Variants in GDAP2 observed in about 807,000 individuals in gnomAD.
The protein encoded by GDAP2 is ganglioside induced differentiation associated protein 2.
In GDAP2, 51 loss-of-function variants were observed where a neutral mutation model predicts 67.0. The observed-to-expected ratio is 0.76, with a 90% CI of 0.61 to 0.96. GDAP2 has a LOEUF of 0.96. Ranked by LOEUF, GDAP2 falls within the 40% of genes least tolerant of loss-of-function variation. GDAP2 has a pLI of 0.00. For missense variants in GDAP2, 547 were observed against 588.3 expected, an observed-to-expected ratio of 0.93 and a Z score of 0.73; for synonymous variants, 203 against 207.3, an observed-to-expected ratio of 0.98 and a Z score of 0.18.
At chr1:117,909,632 C>T (rs1439049918) in intron 5 of GDAP2, among the ~76,000 whole-genome samples, 3 of 152,184 alleles carry the variant, frequency 2.0e-5, no homozygotes, top group African/African-American at 7.2e-5. Context: ...TGAAATGCTA[C>T]AGTTTTGCCA....
intron 10 of GDAP2, among the ~76,000 whole-genome samples, chr1:117,884,830 G>GTGTT (rs1648792257): frequency 1.3e-5 from 2 of 151,876 alleles, no homozygotes; most frequent in African/African-American, 4.8e-5. Context: ...GTGTGTGTGT[G>GTGTT]TGTGTGTGTG....
chr1:117,899,028 A>T, intron 7 of GDAP2, 29 bp downstream of exon 7: 1 of 1,592,398 alleles, frequency 6.3e-7, no homozygotes, highest in African/African-American at 1.3e-5. Context: ...TAAGAGGGAG[A>T]TTTAAAAAGT....
chr1:117,882,041 A>G (rs1470185974), intron 11 of GDAP2, among the ~76,000 whole-genome samples, 164 bp from the exon 12 acceptor site: 11 of 152,172 alleles, frequency 7.2e-5, no homozygotes. Flanking sequence ...GCCAAAAACA[A>G]TTCAGAGAAC....
chr1:117,913,472 T>C (rs1272068112), intron 3 of GDAP2: 2 of 151,756 alleles, frequency 1.3e-5, no homozygotes, highest in Non-Finnish European at 2.9e-5. Context: ...AACTAGAGAG[T>C]TTCTGGATTC....
intron 5 of GDAP2, among the ~76,000 whole-genome samples, chr1:117,909,487 A>G (rs1557806279): frequency 6.6e-6 from 1 of 152,232 alleles, no homozygotes; most frequent in Non-Finnish European, 1.5e-5. Flanking sequence ...AGCTTTTGAT[A>G]CTAAGGACTT....
chr1:117,909,823 G>A (rs1053961487), intron 5 of GDAP2, among the ~76,000 whole-genome samples: 5 of 152,056 alleles, frequency 3.3e-5, no homozygotes, highest in African/African-American at 4.8e-5. Context: ...GATTTGTCTG[G>A]GGCCACAGAG....
intron 12 of GDAP2, among the ~76,000 whole-genome samples, chr1:117,879,353 G>A (rs1222083035): frequency 2.0e-5 from 3 of 152,076 alleles, no homozygotes; most frequent in African/African-American, 7.2e-5. Context: ...AGGAATAGGT[G>A]GAAGAGGAGT....
rs142616473 is a variant in GDAP2 at position 117,912,977 on chromosome 1, G to A, written c.317-294C>T. Among the ~76,000 whole-genome samples the A allele has an allele frequency of 3.7e-3, 565 of 152,288 alleles. 3 individuals are homozygous for A. The highest frequency in any genetic ancestry group is 5.6e-3 in the Non-Finnish European group (380 of 68,016). On this transcript the variant is annotated intron_variant, in intron 3 of 13. Coordinates refer to ENST00000369443, the MANE Select transcript of GDAP2 (RefSeq NM_017686.4). ...ACTGACTAGTAACTGACTCAACAGA[G>A]CAGACAAACCTAATTGCTTGCAGAA...
chr1:117,910,541 A>C (rs375654472), intron 5 of GDAP2, among the ~76,000 whole-genome samples: 7 of 152,148 alleles, frequency 4.6e-5, no homozygotes, highest in African/African-American at 1.7e-4. Context: ...ACAGATACTC[A>C]CCCTAAACTC....
rs1322047884 is a variant in GDAP2 at position 117,865,323 on chromosome 1, A to G, written c.*5246T>C. 1 of 152,218 alleles carries G rather than the reference A, an allele frequency of 6.6e-6. No homozygotes were observed. Among genetic ancestry groups the G allele is most frequent in the Non-Finnish European group, 1.5e-5 (1 of 68,036 alleles). 9.4% of individuals were successfully genotyped at this position (152,218 alleles called of 1,614,324 possible). On this transcript the variant is annotated 3_prime_UTR_variant, in exon 14 of 14. Transcript: ENST00000369443. ...GATTCTTCATAGGCTATATTTGTAT[A>G]GAGTGAGACCCTCTTTAAAAGGGAT... is the stretch of plus-strand genomic sequence containing the variant.
chr1:117,888,704 T>TAAC lies in GDAP2; in HGVS notation c.954-933_954-931dup, dbSNP rs59473261. On this transcript the variant is annotated intron_variant, in intron 8 of 13. Transcript: ENST00000369443. ...CTAAATCATATATGGCAATATCCAGTAACAACAACAACAAAAAGCACAACT... is the reference window on the plus strand; with the variant it reads ...CTAAATCATATATGGCAATATCCAGTAACAACAACAACAACAAAAAGCACAACT... 1.4e-4 allele frequency among the ~76,000 whole-genome samples: 22 copies of TAAC among 152,242 alleles called. No homozygotes were observed. In the East Asian group the frequency reaches 4.2e-3, roughly 29 times the overall value.
chr1:117,870,483 C>CA lies in GDAP2; in HGVS notation c.*85dup. On this transcript the variant is annotated 3_prime_UTR_variant, in exon 14 of 14. Transcript: ENST00000369443. Reference sequence around the variant, plus strand: ...GGACAAAAGGCTCTCTGGATCTGTACAGCAACAATGAATATCACTTCAACA... The same window carrying CA: ...GGACAAAAGGCTCTCTGGATCTGTACAAGCAACAATGAATATCACTTCAACA... 1 of 870,448 alleles carries CA rather than the reference C, an allele frequency of 1.1e-6. No homozygotes were observed. Among genetic ancestry groups the CA allele is most frequent in the Admixed American group, 1.7e-5 (1 of 57,816 alleles). 53.9% of individuals were successfully genotyped at this position (870,448 alleles called of 1,614,324 possible).
At chr1:117,888,156 C>T (rs1648935197) in intron 8 of GDAP2, among the ~76,000 whole-genome samples, 1 of 152,166 alleles carries the variant, frequency 6.6e-6, no homozygotes. Context: ...CAGATGCTCA[C>T]TCACTCAACA....
chr1:117,875,652 G>T (rs976540614), intron 13 of GDAP2, among the ~76,000 whole-genome samples: 1 of 152,226 alleles, frequency 6.6e-6, no homozygotes, highest in Non-Finnish European at 1.5e-5. Flanking sequence ...AAGCCATGGG[G>T]GTGGGGGTGC....
At chr1:117,891,529 T>C (rs1300789022) in intron 8 of GDAP2, among the ~76,000 whole-genome samples, 1 of 152,146 alleles carries the variant, frequency 6.6e-6, no homozygotes, top group Non-Finnish European at 1.5e-5. Context: ...ATTCTGCTCA[T>C]GTTGACTTGA....
chr1:117,894,397 T>C (rs761352691), intron 8 of GDAP2, among the ~76,000 whole-genome samples: 6 of 152,202 alleles, frequency 3.9e-5, no homozygotes, highest in Admixed American at 2.6e-4. Flanking sequence ...GACATTTACA[T>C]TGATAGTGCA....
intron 6 of GDAP2, among the ~76,000 whole-genome samples, chr1:117,902,751 G>C (rs375966686): frequency 1.5e-4 from 23 of 152,232 alleles, no homozygotes; most frequent in East Asian, 1.3e-3. Flanking sequence ...TGGGTCTCTT[G>C]CATATCCATG....
At chr1:117,896,751 C>T (rs1570978213) in intron 8 of GDAP2, 82 bp downstream of exon 8, 25 of 845,326 alleles carry the variant, frequency 3.0e-5, no homozygotes, top group African/African-American at 5.1e-5. Flanking sequence ...TATATATACA[C>T]GTAGCTCATG....
intron 11 of GDAP2, among the ~76,000 whole-genome samples, chr1:117,882,598 T>C (rs1477613390): frequency 1.3e-5 from 2 of 152,156 alleles, no homozygotes; most frequent in African/African-American, 4.8e-5. Flanking sequence ...AGAGAAATAG[T>C]ACAAACTATT....
Sources: allele counts gnomAD v4.1 joint callset (sites outside exome capture counted in the v4.1 genomes callset), GRCh38; gene constraint gnomAD v4.1.1; transcripts MANE v1.5; gene names NCBI Gene and HGNC (gene_info 2026-07-23, HGNC 2026-07-21).